HADH: variants seen among roughly 807,000 people sequenced by gnomAD.
HADH encodes the protein hydroxyacyl-CoA dehydrogenase, also known as hydroxyacyl-coenzyme A dehydrogenase, mitochondrial.
In HADH, 24 loss-of-function variants were observed where a neutral mutation model predicts 32.2. That is an observed-to-expected ratio of 0.75 (90% CI 0.54 to 1.05). The LOEUF (loss-of-function observed/expected upper bound fraction) is 1.05, where lower values mean the gene tolerates loss of function less well. Among genes scored for constraint, HADH ranks in the 50% least tolerant of loss-of-function variants. The pLI is 0.00. For synonymous variants in HADH, 139 were observed against 152.5 expected (o/e 0.91, Z 0.65); for missense variants, 350 against 397.1 (o/e 0.88, Z 1.01).
At chr4:107,990,106 C>T in intron 1 of HADH, 42 bp downstream of exon 1, 7 of 1,575,626 alleles carry the variant, frequency 4.4e-6, no homozygotes, top group Non-Finnish European at 6.0e-6. Flanking sequence ...GCTTGGCCGC[C>T]CACCCTGAGG....
chr4:108,032,877 G>C, intron 6 of HADH: 1 of 405,022 alleles, frequency 2.5e-6, no homozygotes, highest in Non-Finnish European at 4.6e-6. Flanking sequence ...AGCCACTAGG[G>C]AGGCTGAGGC....
At position 108,034,287 on chromosome 4, in the gene HADH, C is replaced by T. The variant is rs112102907; in HGVS notation, c.875C>T (p.Ser292Phe). ...AENPLHQPSP[S>F]LNKLVAENKF... ...AACCCATTACATCAGCCCAGCCCAT[C>T]CTTAAATAAGCTGGTAGCAGAGAAC... Residue 292 changes from serine to phenylalanine, a missense_variant, in exon 8 of 8, where the codon TCC (serine) becomes TTC (phenylalanine). Coordinates refer to ENST00000309522, the MANE Select transcript of HADH (RefSeq NM_005327.7). 1.7e-5 allele frequency: 28 copies of T among 1,613,700 alleles called. No homozygotes were observed. Among genetic ancestry groups the T allele is most frequent in the African/African-American group, 1.1e-4 (8 of 75,038 alleles).
At chr4:108,003,420 A>G (rs903204158) in intron 1 of HADH, among the ~76,000 whole-genome samples, 1 of 152,166 alleles carries the variant, frequency 6.6e-6, no homozygotes, top group African/African-American at 2.4e-5. Context: ...CAATACTATC[A>G]TATTGGCAGT....
At chr4:108,019,998 A>G (rs1735829722) in intron 4 of HADH, among the ~76,000 whole-genome samples, 1 of 152,226 alleles carries the variant, frequency 6.6e-6, no homozygotes. Context: ...GAGGGCAGCT[A>G]CATGTGTTCA....
At position 108,033,181 on chromosome 4, in the gene HADH, G is replaced by A. The variant is rs746680125; in HGVS notation, c.715G>A (p.Ala239Thr). 1.0e-5 allele frequency: 16 copies of A among 1,558,856 alleles called. No homozygotes were observed. The highest frequency in any genetic ancestry group is 4.5e-5 in the East Asian group (2 of 44,604). ...TGCTGCCGTTTTCTCCTTAGGTGAC[G>A]CATCCAAAGAAGACATTGACACTGC... is the stretch of plus-strand genomic sequence containing the variant. ...EAIRLYERGD[A>T]SKEDIDTAMK... Residue 239 changes from alanine (A) to threonine (T), a missense_variant, in exon 7 of 8, where the codon GCA (alanine) becomes ACA (threonine). Physicochemically the swap from Ala to Thr is moderately conservative, Grantham distance 58. Transcript: ENST00000309522.
Position 108,019,625 on chromosome 4 carries a change from C to T in HADH, c.505C>T (p.Leu169Phe). ...ATTRQDRFAG[L>F]HFFNPVPVMK... ...CACCAGACAAGACCGATTCGCTGGC[C>T]TCCATTTCTTCAACCCAGTGCCTGT... The change falls in exon 4 of 8, where the codon CTC becomes TTC. Residue 169 changes from leucine to phenylalanine, a missense_variant. Transcript: ENST00000309522. 2 of 1,614,148 alleles carry T rather than the reference C, an allele frequency of 1.2e-6. No individual in the cohort carries two copies. The highest frequency in any genetic ancestry group is 1.7e-6 in the Non-Finnish European group (2 of 1,179,988).
intron 1 of HADH, 74 bp downstream of exon 1, chr4:107,990,138 C>G: frequency 6.8e-7 from 1 of 1,464,772 alleles, no homozygotes; most frequent in Non-Finnish European, 9.2e-7. Flanking sequence ...GCGCGACCGG[C>G]CGCGAGGGGC....
chr4:108,020,749 C>T (rs781658549), intron 4 of HADH, among the ~76,000 whole-genome samples: 1 of 152,098 alleles, frequency 6.6e-6, no homozygotes. Flanking sequence ...TATTGCCCTG[C>T]GAAGTGTGGG....
At chr4:108,032,339 G>T in intron 6 of HADH, 1 of 1,601,776 alleles carries the variant, frequency 6.2e-7, no homozygotes, top group South Asian at 1.1e-5. Context: ...TTCCAAACGT[G>T]TGGTGATTCT....
At chr4:108,016,558 C>A (rs919492931) in intron 3 of HADH, among the ~76,000 whole-genome samples, 2 of 152,074 alleles carry the variant, frequency 1.3e-5, no homozygotes, top group Non-Finnish European at 2.9e-5. Context: ...AAACAGCCAC[C>A]CCAAAAAAGG....
At chr4:108,029,424 T>C (rs1736178953) in intron 6 of HADH, 1 of 152,498 alleles carries the variant, frequency 6.6e-6, no homozygotes, top group Non-Finnish European at 1.5e-5. Flanking sequence ...ACGCTACTCA[T>C]GTCTTTTCCT....
chr4:108,007,575 T>C (rs1047962898), intron 1 of HADH, among the ~76,000 whole-genome samples: 1 of 152,264 alleles, frequency 6.6e-6, no homozygotes, highest in African/African-American at 2.4e-5. Flanking sequence ...TACCATAGCC[T>C]GTCGAACCAG....
At chr4:108,016,472 G>A (rs1735698032) in intron 3 of HADH, among the ~76,000 whole-genome samples, 1 of 152,224 alleles carries the variant, frequency 6.6e-6, no homozygotes, top group South Asian at 2.1e-4. Context: ...AGGCTACAGA[G>A]ACATCTGACA....
intron 1 of HADH, among the ~76,000 whole-genome samples, chr4:107,990,424 G>C (rs970238065): frequency 1.3e-5 from 2 of 152,208 alleles, no homozygotes; most frequent in East Asian, 1.9e-4. Context: ...GTTTGTTCCT[G>C]CTCGGCTCAA....
intron 1 of HADH, among the ~76,000 whole-genome samples, chr4:107,995,207 T>C (rs1345942715): frequency 2.0e-5 from 3 of 152,186 alleles, no homozygotes; most frequent in Non-Finnish European, 4.4e-5. Flanking sequence ...GTACAGGCTA[T>C]GAGGTCCCTG....
At position 107,989,897 on chromosome 4, in the gene HADH, C is replaced by A; in HGVS notation, c.-36C>A. On this transcript the variant is annotated 5_prime_UTR_variant, in exon 1 of 8. Transcript: ENST00000309522. ...CTGCCCGCCTCGCGCGTCTTCCCTG[C>A]CCGGGTCTCCTCGCTGTCGCCGCCG... The A allele has an allele frequency of 3.7e-6, 6 of 1,606,614 alleles. No individual in the cohort carries two copies. Among genetic ancestry groups the A allele is most frequent in the Non-Finnish European group, 5.1e-6 (6 of 1,177,758 alleles).
intron 5 of HADH, chr4:108,023,768 A>C: frequency 1.7e-6 from 1 of 580,994 alleles, no homozygotes. Flanking sequence ...GCCTAAGGCC[A>C]TTATGTGGAT....
chr4:107,993,085 T>C (rs1257008492), intron 1 of HADH, among the ~76,000 whole-genome samples: 1 of 152,234 alleles, frequency 6.6e-6, no homozygotes, highest in Non-Finnish European at 1.5e-5. Flanking sequence ...CACTGCACTG[T>C]AGCCTGGGCA....
At chr4:108,014,006 A>G (rs1337698858) in intron 2 of HADH, among the ~76,000 whole-genome samples, 1 of 152,176 alleles carries the variant, frequency 6.6e-6, no homozygotes, top group African/African-American at 2.4e-5. Flanking sequence ...TTCTGTCCTT[A>G]TTGAGGTCTG....
Sources: allele counts gnomAD v4.1 joint callset (sites outside exome capture counted in the v4.1 genomes callset), GRCh38; gene constraint gnomAD v4.1.1; transcripts MANE v1.5; gene names NCBI Gene and HGNC (gene_info 2026-07-23, HGNC 2026-07-21).